SULT2A1: variants seen among roughly 807,000 people sequenced by gnomAD.
The protein encoded by SULT2A1 is sulfotransferase family 2A member 1, also known as sulfotransferase 2A1.
In SULT2A1, 43 loss-of-function variants were observed where a neutral mutation model predicts 33.9. That is an observed-to-expected ratio of 1.27 (90% CI 1.00 to 1.64). The LOEUF is 1.64. Ranked by LOEUF, SULT2A1 falls within the 40% of genes most tolerant of loss-of-function variation. The pLI, the probability that SULT2A1 is intolerant of heterozygous loss-of-function variation, is 0.00. For synonymous variants in SULT2A1, 125 were observed against 113.6 expected, an observed-to-expected ratio of 1.10 and a Z score of -0.64; for missense variants, 300 against 335.1, an observed-to-expected ratio of 0.90 and a Z score of 0.82.
In SULT2A1 at chr19:47,871,678, G is replaced by A. The variant is rs73942749; in HGVS notation, c.746-111C>T. On this transcript the variant is annotated intron_variant, in intron 5 of 5. Transcript: ENST00000222002. The stretch of plus-strand genomic sequence containing the variant: ...AACATAGCAGAATGGCCGATGGTTC[G>A]TGGTGGGCCTTTATCCTGCCTGGTC... The A allele has an allele frequency of 1.4e-4, 100 of 732,036 alleles. 1 individual carries two copies. Among genetic ancestry groups the A allele is most frequent in the African/African-American group, 9.9e-4 (57 of 57,476 alleles). The allele number at this position is 732,036 out of a possible 1,614,324, so 45.3% of individuals were successfully genotyped here.
chr19:47,873,084 C>T (rs62529868), intron 5 of SULT2A1, among the ~76,000 whole-genome samples: 1,564 of 151,932 alleles, frequency 0.01, 25 homozygotes, highest in African/African-American at 0.036. Context: ...TACGATTGCC[C>T]AAGACTCTGG....
At chr19:47,874,539 CGGA>C in intron 5 of SULT2A1, 115 bp downstream of exon 5, 1 of 535,720 alleles carries the variant, frequency 1.9e-6, no homozygotes. Flanking sequence ...GACTTCATCT[CGGA>C]AAAAAAAAAA....
chr19:47,875,158 CAAAAAAAAAAAA>C (rs36196588), intron 4 of SULT2A1, among the ~76,000 whole-genome samples: 1 of 94,084 alleles, frequency 1.1e-5, no homozygotes, highest in Non-Finnish European at 2.0e-5. Context: ...GAGACCTTGT[CAAAAAAAAAAAA>C]AAAAAAAAAA....
chr19:47,872,633 C>T (rs1367063451), intron 5 of SULT2A1, among the ~76,000 whole-genome samples: 1 of 152,136 alleles, frequency 6.6e-6, no homozygotes, highest in Non-Finnish European at 1.5e-5. Flanking sequence ...GGTCACTCCC[C>T]ATCCTTGCTG....
chr19:47,875,062 T>G (rs1439706729), intron 4 of SULT2A1, among the ~76,000 whole-genome samples: 1 of 136,604 alleles, frequency 7.3e-6, no homozygotes, highest in Non-Finnish European at 1.5e-5. Context: ...CTCGGGAGGT[T>G]GGGGGAGGAG....
intron 5 of SULT2A1, among the ~76,000 whole-genome samples, chr19:47,873,393 A>G (rs1283388386): frequency 3.3e-5 from 5 of 149,706 alleles, no homozygotes; most frequent in African/African-American, 1.2e-4. Context: ...CTGGTCTTGA[A>G]CTCCTGACCT....
intron 1 of SULT2A1, among the ~76,000 whole-genome samples, chr19:47,884,688 G>A (rs1337828265): frequency 1.3e-5 from 2 of 151,758 alleles, no homozygotes; most frequent in Admixed American, 1.3e-4. Flanking sequence ...TAGAGATCAG[G>A]CCTTGCTATG....
At chr19:47,875,084 C>A (rs1195250287) in intron 4 of SULT2A1, among the ~76,000 whole-genome samples, 1 of 140,146 alleles carries the variant, frequency 7.1e-6, no homozygotes, top group East Asian at 2.1e-4. Context: ...GTTGCTTGAA[C>A]CCAGGAGGTG....
intron 5 of SULT2A1, 97 bp downstream of exon 5, chr19:47,874,560 A>G: frequency 7.9e-6 from 7 of 882,288 alleles, no homozygotes; most frequent in East Asian, 2.8e-5. Context: ...AAAAAAAAAA[A>G]GCACTCTTTC....
chr19:47,878,345 A>T (rs115853251), intron 4 of SULT2A1, among the ~76,000 whole-genome samples: 1,982 of 148,638 alleles, frequency 0.013, 47 homozygotes, highest in African/African-American at 0.045. Context: ...CATCTGGCTA[A>T]TTTTTTTTTT....
chr19:47,882,566 T>C (rs1321190623), intron 2 of SULT2A1, among the ~76,000 whole-genome samples: 1 of 152,186 alleles, frequency 6.6e-6, no homozygotes, highest in Non-Finnish European at 1.5e-5. Context: ...GCTACATTCA[T>C]AGATATATAG....
At chr19:47,874,924 G>T in intron 4 of SULT2A1, 90 bp from the exon 5 acceptor site, 2 of 1,156,992 alleles carry the variant, frequency 1.7e-6, no homozygotes, top group Non-Finnish European at 2.5e-6. Context: ...CACTCTGGGA[G>T]GCTGAGGCGG....
intron 1 of SULT2A1, 136 bp from the exon 2 acceptor site, chr19:47,883,921 G>GA: frequency 1.3e-6 from 1 of 762,856 alleles, no homozygotes; most frequent in Non-Finnish European, 2.1e-6. Flanking sequence ...GCCTGGCCAA[G>GA]ATGGTGAAAC....
chr19:47,883,978 C>T (rs990551794), intron 1 of SULT2A1, among the ~76,000 whole-genome samples, 193 bp from the exon 2 acceptor site: 16 of 150,822 alleles, frequency 1.1e-4, no homozygotes, highest in African/African-American at 3.4e-4. Flanking sequence ...TGGTGGCGGG[C>T]GCCTAAAATC....
chr19:47,876,597 C>A (rs1308430994), intron 4 of SULT2A1, among the ~76,000 whole-genome samples: 1 of 151,862 alleles, frequency 6.6e-6, no homozygotes. Flanking sequence ...TGGTGAAACC[C>A]CATCTGTACC....
At chr19:47,878,213 C>T (rs930729231) in intron 4 of SULT2A1, among the ~76,000 whole-genome samples, 4 of 152,106 alleles carry the variant, frequency 2.6e-5, no homozygotes, top group African/African-American at 9.7e-5. Context: ...TCTTGCTCTG[C>T]TGCCCCAGGC....
rs543237237 is a variant in SULT2A1, at chr19:47,872,761, CT to C, written c.746-1195del. Among the ~76,000 whole-genome samples, 516 of 139,762 alleles carry C rather than the reference CT, an allele frequency of 3.7e-3. 1 individual carries two copies. Among genetic ancestry groups the C allele is most frequent in the African/African-American group, 8.7e-3 (327 of 37,660 alleles). 91.7% of individuals were successfully genotyped at this position (139,762 alleles called of 152,430 possible). A position where few individuals can be genotyped will look rare whatever the true frequency, so the allele number is the denominator to read the frequency against. Reference sequence around the variant, plus strand: ...AGTTATACAAAGTCTCAGCATTTATCTTTTTTTTTTTTTTTGAGATGGAGTC... The same window carrying C: ...AGTTATACAAAGTCTCAGCATTTATCTTTTTTTTTTTTTTGAGATGGAGTC... On this transcript the variant is annotated intron_variant, in intron 5 of 5. Coordinates refer to ENST00000222002, the MANE Select transcript of SULT2A1 (RefSeq NM_003167.4).
chr19:47,884,059 C>T (rs1277966219), intron 1 of SULT2A1, among the ~76,000 whole-genome samples: 3 of 149,492 alleles, frequency 2.0e-5, no homozygotes, highest in East Asian at 2.0e-4. Context: ...GAGCCGAGAT[C>T]GTGCCATGGC....
In SULT2A1 at chr19:47,886,084, A is replaced by G. The variant is rs1470800715; in HGVS notation, c.136+38T>C. On this transcript the variant is annotated intron_variant, in intron 1 of 5. Transcript: ENST00000222002. ...CATGCACTGAATGGACAGGAACACA[A>G]CCACAGCCTTTCTCAGTTCACGATT... 1.9e-6 allele frequency: 3 copies of G among 1,606,238 alleles called. No homozygotes were observed. The East Asian group carries it at 6.7e-5, about 36-fold the overall frequency.
Sources: allele counts gnomAD v4.1 joint callset (sites outside exome capture counted in the v4.1 genomes callset), GRCh38; gene constraint gnomAD v4.1.1; transcripts MANE v1.5; gene names NCBI Gene and HGNC (gene_info 2026-07-23, HGNC 2026-07-21).